Variants in KAZN observed in about 807,000 individuals in gnomAD.
KAZN encodes kazrin, periplakin interacting protein.
KAZN carries 40 observed loss-of-function variants against 87.4 expected under a neutral mutation model. The observed-to-expected ratio is 0.46, with a 90% CI of 0.36 to 0.60. The LOEUF (loss-of-function observed/expected upper bound fraction) is 0.60, where lower values mean the gene tolerates loss of function less well. Ranked by LOEUF, KAZN falls within the 20% of genes least tolerant of loss-of-function variation. The pLI, the probability that KAZN is intolerant of heterozygous loss-of-function variation, is 0.00. For synonymous variants in KAZN, 466 were observed against 458.3 expected (o/e 1.02, Z -0.22); for missense variants, 898 against 1,073.9 (o/e 0.84, Z 2.29).
chr1:14,492,421 C>G (rs536528952), intron 2 of KAZN, among the ~76,000 whole-genome samples: 5 of 151,912 alleles, frequency 3.3e-5, no homozygotes, highest in Non-Finnish European at 7.4e-5. Context: ...CAGCACCTGC[C>G]CTGCATAGGA....
intron 1 of KAZN, among the ~76,000 whole-genome samples, chr1:14,876,305 A>G (rs551901200): frequency 6.6e-6 from 1 of 152,352 alleles, no homozygotes; most frequent in Admixed American, 6.5e-5. Flanking sequence ...TACATGCGCA[A>G]ATGCAGCCAG....
rs377064925 is a variant in KAZN, at chr1:14,618,424, G to GC, written c.226+19202dup. On this transcript the variant is annotated intron_variant, in intron 1 of 14. Transcript: ENST00000376030. ...ATATTTCTTGGGCACCTGCCCCATG[G>GC]CTGGCCCCATGCTGGGCTCATGGAG... 4.6e-3 allele frequency among the ~76,000 whole-genome samples: 707 copies of GC among 152,364 alleles called. 8 individuals are homozygous for GC. Among genetic ancestry groups the GC allele is most frequent in the African/African-American group, 0.015 (642 of 41,594 alleles).
chr1:14,988,665 T>C (rs1667063801), intron 2 of KAZN, among the ~76,000 whole-genome samples: 1 of 152,202 alleles, frequency 6.6e-6, no homozygotes, highest in Non-Finnish European at 1.5e-5. Context: ...TCCCTATTCT[T>C]AAGTATCTGT....
chr1:14,514,324 C>CAA lies in KAZN; in HGVS notation c.250-84654_250-84653dup, dbSNP rs1392512628. Among the ~76,000 whole-genome samples, 25 of 21,880 alleles carry CAA rather than the reference C, an allele frequency of 1.1e-3. 1 individual carries two copies. The highest frequency in any genetic ancestry group is 4.9e-3 in the African/African-American group (24 of 4,886). 14.4% of individuals were successfully genotyped at this position (21,880 alleles called of 152,430 possible). ...TGGGTGACAGAGCAAGACTCTGTCT[C>CAA]AAAAAATTTATATATATATTTATAT... On this transcript the variant is annotated intron_variant, in intron 2 of 16. Coordinates refer to the KAZN transcript ENST00000636203.
intron 2 of KAZN, among the ~76,000 whole-genome samples, chr1:14,593,144 C>T (rs1424629824): frequency 2.6e-5 from 4 of 152,256 alleles, no homozygotes; most frequent in South Asian, 4.2e-4. Context: ...ACGGAGTTGT[C>T]GCAAGAATAA....
chr1:14,239,114 A>G (rs1373054307), intron 2 of KAZN, among the ~76,000 whole-genome samples: 2 of 152,214 alleles, frequency 1.3e-5, no homozygotes, highest in Non-Finnish European at 2.9e-5. Flanking sequence ...CCAGTCAAAA[A>G]GAAAGATTAC....
rs35005409 is a variant in KAZN at position 13,952,334 on chromosome 1, G to GATA, written c.91+58621_91+58623dup. On this transcript the variant is annotated intron_variant, in intron 1 of 16. Coordinates refer to the KAZN transcript ENST00000636203. The stretch of plus-strand genomic sequence containing the variant: ...CTTGGAGTCTTAGGTATAAAATGGA[G>GATA]ATAATAATAATAATAATAATAATAA... Among the ~76,000 whole-genome samples the GATA allele has an allele frequency of 6.0e-3, 862 of 143,048 alleles. 2 individuals are homozygous for GATA. Among genetic ancestry groups the GATA allele is most frequent in the African/African-American group, 9.5e-3 (367 of 38,758 alleles). 93.8% of individuals were successfully genotyped at this position (143,048 alleles called of 152,430 possible).
intron 1 of KAZN, among the ~76,000 whole-genome samples, chr1:14,039,069 G>A (rs1399127352): frequency 6.6e-6 from 1 of 151,968 alleles, no homozygotes; most frequent in Non-Finnish European, 1.5e-5. Context: ...TACTCGGGAG[G>A]CTAAGGCAAG....
rs775752838 is a variant in KAZN at position 14,819,706 on chromosome 1, CTT to C, written c.227-140960_227-140959del. Among the ~76,000 whole-genome samples, 527 of 117,500 alleles carry C rather than the reference CTT, an allele frequency of 4.5e-3. 3 individuals are homozygous for C. The highest frequency in any genetic ancestry group is 0.017 in the African/African-American group (481 of 29,048). The allele number at this position is 117,500 out of a possible 152,430, so 77.1% of individuals were successfully genotyped here. A position where few individuals can be genotyped will look rare whatever the true frequency, so the allele number is the denominator to read the frequency against. On this transcript the variant is annotated intron_variant, in intron 1 of 14. Coordinates refer to ENST00000376030, the MANE Select transcript of KAZN (RefSeq NM_201628.3). ...TGAGCCAATTCCTTTGAAAAAAAAT[CTT>C]TTTTTTTTTTTTTTTTTGAGAAGGA... is the stretch of plus-strand genomic sequence containing the variant.
At chr1:14,310,391 G>T (rs893896475) in intron 2 of KAZN, among the ~76,000 whole-genome samples, 2 of 152,164 alleles carry the variant, frequency 1.3e-5, no homozygotes, top group African/African-American at 4.8e-5. Flanking sequence ...GCAGGCCTCG[G>T]ATGGTTAAAA....
At chr1:14,805,780 T>A (rs1262812818) in intron 1 of KAZN, among the ~76,000 whole-genome samples, 1 of 143,662 alleles carries the variant, frequency 7.0e-6, no homozygotes, top group African/African-American at 2.6e-5. Flanking sequence ...ATAATAATAA[T>A]AATAATAATA....
chr1:14,991,970 G>A (rs1298470551), intron 2 of KAZN, among the ~76,000 whole-genome samples: 1 of 152,184 alleles, frequency 6.6e-6, no homozygotes, highest in Non-Finnish European at 1.5e-5. Flanking sequence ...GGACTGTGGG[G>A]TGGGGTTGTC....
At chr1:15,033,471 C>T (rs4520412) in intron 2 of KAZN, among the ~76,000 whole-genome samples, 122,587 of 152,126 alleles carry the variant, frequency 0.81, 49,725 homozygotes, top group Admixed American at 0.86. Context: ...TAAGTTGATG[C>T]TTAATCTTTG....
chr1:14,690,496 CGGT>C (rs1194651551), intron 1 of KAZN, among the ~76,000 whole-genome samples: 1 of 152,118 alleles, frequency 6.6e-6, no homozygotes, highest in Non-Finnish European at 1.5e-5. Context: ...CCAAAACAAT[CGGT>C]GGTTCACATG....
rs553108206 is a variant in KAZN at position 14,718,308 on chromosome 1, G to A, written c.226+119085G>A. 5.8e-4 allele frequency among the ~76,000 whole-genome samples: 88 copies of A among 152,298 alleles called. 1 individual carries two copies. Among genetic ancestry groups the A allele is most frequent in the Admixed American group, 7.8e-4 (12 of 15,292 alleles). The stretch of plus-strand genomic sequence containing the variant: ...CTCCCGCTTGATGTGAATTCAAACC[G>A]TGGTAGGCGGTGTGCCCTCGGGACT... On this transcript the variant is annotated intron_variant, in intron 1 of 14. Transcript: ENST00000376030.
intron 2 of KAZN, among the ~76,000 whole-genome samples, chr1:14,351,380 A>G (rs1658538594): frequency 6.6e-6 from 1 of 152,224 alleles, no homozygotes; most frequent in Non-Finnish European, 1.5e-5. Context: ...CCTGGCCAAC[A>G]TGGTGAAACC....
chr1:14,292,623 C>T (rs866364120), intron 2 of KAZN, among the ~76,000 whole-genome samples: 2 of 152,222 alleles, frequency 1.3e-5, no homozygotes, highest in African/African-American at 4.8e-5. Flanking sequence ...GGCTCTACCT[C>T]GCCTCATTGC....
At chr1:14,201,230 C>T (rs946910905) in intron 2 of KAZN, among the ~76,000 whole-genome samples, 1 of 152,172 alleles carries the variant, frequency 6.6e-6, no homozygotes, top group African/African-American at 2.4e-5. Flanking sequence ...CTAAACCTCT[C>T]GTCTTTCCTC....
chr1:14,550,739 C>CTATCTCTCT (rs1480745409), intron 2 of KAZN, among the ~76,000 whole-genome samples: 1 of 69,968 alleles, frequency 1.4e-5, no homozygotes, highest in East Asian at 4.8e-4. Flanking sequence ...CTCTCTCTCT[C>CTATCTCTCT]CCCCACCCCG....
Sources: gnomAD v4.1 joint callset for allele counts (sites outside exome capture counted in the v4.1 genomes callset) on GRCh38, gnomAD v4.1.1 for gene constraint, MANE v1.5 for transcripts, NCBI Gene and HGNC (gene_info 2026-07-23, HGNC 2026-07-21) for gene names.